Variants in CORO7 observed in about 807,000 individuals in gnomAD.
CORO7 encodes coronin 7, also known as coronin-7.
In CORO7, 107 loss-of-function variants were observed where a neutral mutation model predicts 126.6. That is an observed-to-expected ratio of 0.85 (90% confidence interval 0.72 to 0.99). The LOEUF is 0.99. Among genes scored for constraint, CORO7 ranks in the 50% least tolerant of loss-of-function variants. CORO7 has a pLI of 0.00. For missense variants in CORO7, 1,314 were observed against 1,255.8 expected (o/e 1.05, Z -0.70); for synonymous variants, 603 against 536.8 (o/e 1.12, Z -1.70).
Position 4,388,021 on chromosome 16 carries a change from G to T in CORO7, c.750C>A (p.Ser250Arg), listed in dbSNP as rs752241535. The change falls in exon 9 of 28, where the codon AGC becomes AGA. Residue 250 changes from serine (S) to arginine (R), a missense_variant. Ser to Arg is a moderately radical substitution (Grantham distance 110, BLOSUM62 -1). Transcript: ENST00000251166. ...VKLWDTRFFS[S>R]ALASLTLDTS... ...TGTCCAAGGTGAGGGAGGCCAGGGC[G>T]CTGGAGAAGAACCGCGTGTCCCACA... The T allele has an allele frequency of 1.4e-5, 23 of 1,613,062 alleles. No homozygotes were observed. Among genetic ancestry groups the T allele is most frequent in the Non-Finnish European group, 1.6e-5 (19 of 1,179,920 alleles).
chr16:4,359,509 C>A lies in CORO7; in HGVS notation c.2221G>T (p.Asp741Tyr). The A allele has an allele frequency of 6.2e-7, 1 of 1,613,486 alleles. No homozygotes were observed. The highest frequency in any genetic ancestry group is 8.5e-7 in the Non-Finnish European group (1 of 1,179,976). Residue 741 changes from aspartate (D) to tyrosine (Y), a missense_variant, in exon 22 of 28, where the codon GAC (aspartate) becomes TAC (tyrosine). Transcript: ENST00000251166. ...CCGGTCAGGAGCACCAGGCCAGTGT[C>A]TGGGTCGTAGCTGGGCAGCAGGGTT... ...PSTLLPSYDP[D>Y]TGLVLLTGKG...
At chr16:4,414,867 T>G (rs2056348447) in intron 1 of CORO7, among the ~76,000 whole-genome samples, 1 of 152,122 alleles carries the variant, frequency 6.6e-6, no homozygotes, top group African/African-American at 2.4e-5. Context: ...CTTGTTTGTT[T>G]TTTTCTTTTT....
intron 7 of CORO7, among the ~76,000 whole-genome samples, chr16:4,394,477 G>A (rs2055511661): frequency 6.6e-6 from 1 of 150,464 alleles, no homozygotes; most frequent in African/African-American, 2.4e-5. Flanking sequence ...ACTCTCTAAT[G>A]GCTTCCCACA....
Position 4,362,882 on chromosome 16 carries a change from G to T in CORO7, c.1276-144C>A, listed in dbSNP as rs1328983257. 3 of 993,324 alleles carry T rather than the reference G, an allele frequency of 3.0e-6. No individual in the cohort carries two copies. Among genetic ancestry groups the T allele is most frequent in the African/African-American group, 3.3e-5 (2 of 59,758 alleles). 61.5% of individuals were successfully genotyped at this position (993,324 alleles called of 1,614,324 possible). On this transcript the variant is annotated intron_variant, in intron 14 of 27. Transcript: ENST00000251166. This position sits in a 1 kb window ranked among gnomAD's most constrained non-coding sequence, Gnocchi z 5.3. ...TGTGGGCATGCGACAGGAGCGGCGGGGGGCACGGGCATAAACGCAGACACA... is the reference window on the plus strand; with the variant it reads ...TGTGGGCATGCGACAGGAGCGGCGGTGGGCACGGGCATAAACGCAGACACA...
intron 9 of CORO7, among the ~76,000 whole-genome samples, chr16:4,366,382 C>T (rs540478469): frequency 7.9e-5 from 12 of 152,226 alleles, no homozygotes; most frequent in African/African-American, 2.6e-4. Context: ...GCCTCCCTCC[C>T]GGGGCCCCTC....
At chr16:4,395,261 C>A (rs924050941) in intron 7 of CORO7, 28 bp downstream of exon 7, 3 of 1,613,846 alleles carry the variant, frequency 1.9e-6, no homozygotes, top group Non-Finnish European at 1.7e-6. Context: ...GAGGCTTCAA[C>A]CCACCCCAGC....
At chr16:4,415,518 G>T (rs751711430) in intron 1 of CORO7, among the ~76,000 whole-genome samples, 3 of 152,112 alleles carry the variant, frequency 2.0e-5, no homozygotes, top group Non-Finnish European at 2.9e-5. Context: ...GTGCCACAGG[G>T]GAAGGAAAAT....
chr16:4,362,283 C>T lies in CORO7; in HGVS notation c.1403-123G>A, dbSNP rs1176419433. On this transcript the variant is annotated intron_variant, in intron 15 of 27. Transcript: ENST00000251166. This position sits in a 1 kb window ranked among gnomAD's most constrained non-coding sequence, Gnocchi z 5.3. ...TGGATGTACAGCATGGACCTAGGCCCAGGCCTTTGCTAATCCAGTGGATGC... is the reference window on the plus strand; with the variant it reads ...TGGATGTACAGCATGGACCTAGGCCTAGGCCTTTGCTAATCCAGTGGATGC... 10 of 1,354,354 alleles carry T rather than the reference C, an allele frequency of 7.4e-6. No individual in the cohort carries two copies. Among genetic ancestry groups the T allele is most frequent in the Non-Finnish European group, 9.9e-6 (10 of 1,012,516 alleles). 83.9% of individuals were successfully genotyped at this position (1,354,354 alleles called of 1,614,324 possible).
chr16:4,385,348 C>A (rs1188533569), intron 9 of CORO7, among the ~76,000 whole-genome samples: 2 of 152,208 alleles, frequency 1.3e-5, no homozygotes, highest in East Asian at 1.9e-4. Context: ...GGGCTGCCGG[C>A]CACGCGGGAG....
At chr16:4,384,428 G>A (rs1201684567) in intron 9 of CORO7, among the ~76,000 whole-genome samples, 1 of 152,214 alleles carries the variant, frequency 6.6e-6, no homozygotes, top group Non-Finnish European at 1.5e-5. Context: ...TCAGTGGGAT[G>A]GAGGGGAGGG....
chr16:4,392,959 C>G (rs957641541), intron 7 of CORO7, among the ~76,000 whole-genome samples: 17 of 152,242 alleles, frequency 1.1e-4, no homozygotes, highest in African/African-American at 3.6e-4. Flanking sequence ...GAACCAGATC[C>G]TCTCCCTCTC....
At chr16:4,393,427 G>C (rs972759352) in intron 7 of CORO7, among the ~76,000 whole-genome samples, 1 of 152,212 alleles carries the variant, frequency 6.6e-6, no homozygotes, top group Non-Finnish European at 1.5e-5. Context: ...CAGCAAGTAC[G>C]ACCAGGGTGT....
At chr16:4,390,003 C>T (rs1017612414) in intron 7 of CORO7, among the ~76,000 whole-genome samples, 1 of 152,172 alleles carries the variant, frequency 6.6e-6, no homozygotes, top group Non-Finnish European at 1.5e-5. Flanking sequence ...TCTGTTCTCT[C>T]GTCATATGGG....
At chr16:4,401,036 C>T (rs1305150191) in intron 6 of CORO7, among the ~76,000 whole-genome samples, 73 of 152,234 alleles carry the variant, frequency 4.8e-4, no homozygotes, top group East Asian at 5.8e-4. Flanking sequence ...AGTGAATTCC[C>T]GCTCCATGTG....
intron 9 of CORO7, chr16:4,381,621 C>G (rs375655650): frequency 6.3e-7 from 1 of 1,597,678 alleles, no homozygotes. Context: ...GGCTGGCCGG[C>G]AACACCCGCA....
At chr16:4,375,876 G>A (rs1008830636) in intron 9 of CORO7, among the ~76,000 whole-genome samples, 22 of 152,196 alleles carry the variant, frequency 1.4e-4, no homozygotes, top group African/African-American at 4.8e-4. Context: ...TGTGCAGCCC[G>A]GCGGGCAAAG....
chr16:4,399,021 C>T (rs140727267), intron 6 of CORO7, among the ~76,000 whole-genome samples: 1 of 151,962 alleles, frequency 6.6e-6, no homozygotes, highest in East Asian at 1.9e-4. Flanking sequence ...AGTTAGAACC[C>T]TTGCACACTG....
chr16:4,412,161 C>T (rs752409821), intron 3 of CORO7, among the ~76,000 whole-genome samples, 195 bp downstream of exon 3: 1 of 152,042 alleles, frequency 6.6e-6, no homozygotes, highest in Admixed American at 6.5e-5. Context: ...AGCTTCCCTC[C>T]TCACTGCCCA....
chr16:4,366,706 ATT>A (rs751094109), intron 9 of CORO7, among the ~76,000 whole-genome samples: 6 of 151,490 alleles, frequency 4.0e-5, no homozygotes, highest in Non-Finnish European at 7.4e-5. Context: ...ATGGCTGGCT[ATT>A]TTTACTTCTA....
Sources: gnomAD v4.1 joint callset for allele counts (sites outside exome capture counted in the v4.1 genomes callset) on GRCh38, gnomAD v4.1.1 for gene constraint, Gnocchi (gnomAD v3.1) non-coding constraint, MANE v1.5 for transcripts, NCBI Gene and HGNC (gene_info 2026-07-23, HGNC 2026-07-21) for gene names.